Variants in BMPR2 observed in about 807,000 individuals in gnomAD.
The protein encoded by BMPR2 is bone morphogenetic protein receptor type 2, also known as bone morphogenetic protein receptor type-2.
In BMPR2, 29 loss-of-function variants were observed where a neutral mutation model predicts 100.8. The observed-to-expected ratio is 0.29, with a 90% confidence interval of 0.21 to 0.39. The LOEUF (loss-of-function observed/expected upper bound fraction) is 0.39, where lower values mean the gene tolerates loss of function less well. Among genes scored for constraint, BMPR2 ranks in the 10% least tolerant of loss-of-function variants. The pLI, the probability that BMPR2 is intolerant of heterozygous loss-of-function variation, is 1.00. For synonymous variants in BMPR2, 382 were observed against 442.3 expected, an observed-to-expected ratio of 0.86 and a Z score of 1.71; for missense variants, 1,011 against 1,274.5, an observed-to-expected ratio of 0.79 and a Z score of 3.15.
chr2:202,448,383 C>T lies in BMPR2; in HGVS notation c.77-16426C>T, dbSNP rs1283668306. Among the ~76,000 whole-genome samples, 36 of 149,260 alleles carry T rather than the reference C, an allele frequency of 2.4e-4. 1 individual carries two copies. The Admixed American group carries it at 2.4e-3, about 10-fold the overall frequency. On this transcript the variant is annotated intron_variant, in intron 1 of 12. Coordinates refer to ENST00000374580, the MANE Select transcript of BMPR2 (RefSeq NM_001204.7). ...AATGGCGTGAACCCGGGAGGCGGAG[C>T]TTGCAGTGAGCCGAGATTGTGCCAC...
intron 1 of BMPR2, among the ~76,000 whole-genome samples, chr2:202,408,107 A>T (rs1045110355): frequency 6.6e-6 from 1 of 152,146 alleles, no homozygotes; most frequent in East Asian, 1.9e-4. Context: ...TGCTGGGATT[A>T]CAGGCGTGAG....
chr2:202,392,665 CT>C (rs1690573161), intron 1 of BMPR2, among the ~76,000 whole-genome samples: 1 of 152,074 alleles, frequency 6.6e-6, no homozygotes, highest in Non-Finnish European at 1.5e-5. Flanking sequence ...TGTCTAAGAG[CT>C]GTAGTTGTTT....
At chr2:202,467,428 A>C (rs771168259) in intron 2 of BMPR2, 91 bp from the exon 3 acceptor site, 6 of 1,120,758 alleles carry the variant, frequency 5.4e-6, no homozygotes, top group Non-Finnish European at 8.0e-6. Context: ...ACGTACTCTC[A>C]CATTTATTGA....
chr2:202,447,321 A>C (rs1691871176), intron 1 of BMPR2, among the ~76,000 whole-genome samples: 1 of 150,402 alleles, frequency 6.6e-6, no homozygotes, highest in Admixed American at 6.6e-5. Context: ...AATCACATCT[A>C]AACAATTTTT....
intron 3 of BMPR2, among the ~76,000 whole-genome samples, chr2:202,502,482 A>T (rs1351705231): frequency 1.3e-5 from 2 of 152,150 alleles, no homozygotes; most frequent in Non-Finnish European, 2.9e-5. Flanking sequence ...AGAAAGAGAG[A>T]TGGAAGTAGT....
chr2:202,435,376 CATATATATATATATATATATAT>C (rs141854934), intron 1 of BMPR2, among the ~76,000 whole-genome samples: 3 of 103,428 alleles, frequency 2.9e-5, no homozygotes, highest in East Asian at 2.5e-4. Flanking sequence ...AAAAAAAATA[CATATATATATATATATATATAT>C]ATATATATAT....
chr2:202,552,907 T>TG lies in BMPR2; in HGVS notation c.1586+21dup. On this transcript the variant is annotated intron_variant, in intron 11 of 12. Transcript: ENST00000374580. The stretch of plus-strand genomic sequence containing the variant: ...ATGAACGGTAAGACCCTAAGGGGTG[T>TG]GGCATCTATCAATCAGTATTAGAAA... 1 of 1,614,044 alleles carries TG rather than the reference T, an allele frequency of 6.2e-7. No individual in the cohort carries two copies. Among genetic ancestry groups the TG allele is most frequent in the Non-Finnish European group, 8.5e-7 (1 of 1,179,902 alleles).
intron 3 of BMPR2, among the ~76,000 whole-genome samples, chr2:202,470,765 C>T (rs1459351985): frequency 2.4e-4 from 32 of 132,024 alleles, no homozygotes; most frequent in African/African-American, 8.9e-4. Flanking sequence ...AGCGAGACTC[C>T]GTCTCAAAAA....
intron 3 of BMPR2, among the ~76,000 whole-genome samples, chr2:202,500,050 C>T (rs1273915184): frequency 1.3e-5 from 2 of 152,198 alleles, no homozygotes; most frequent in Admixed American, 1.3e-4. Flanking sequence ...CGAAGGTTCC[C>T]TGGGTCAGAA....
intron 1 of BMPR2, among the ~76,000 whole-genome samples, chr2:202,415,133 A>G (rs1383177207): frequency 6.6e-6 from 1 of 152,170 alleles, no homozygotes; most frequent in Non-Finnish European, 1.5e-5. Flanking sequence ...TGTAGATGAC[A>G]CATTTTTATG....
chr2:202,461,043 C>T (rs577851898), intron 1 of BMPR2, among the ~76,000 whole-genome samples: 27 of 152,148 alleles, frequency 1.8e-4, no homozygotes, highest in African/African-American at 6.3e-4. Flanking sequence ...GGTTACCTTA[C>T]TGTGTTGCCC....
chr2:202,485,419 C>G (rs1405142733), intron 3 of BMPR2, among the ~76,000 whole-genome samples: 1 of 151,932 alleles, frequency 6.6e-6, no homozygotes, highest in Non-Finnish European at 1.5e-5. Context: ...CTTGAGATCT[C>G]CTAGCTTTGA....
At chr2:202,551,636 A>G (rs1282053148) in intron 10 of BMPR2, among the ~76,000 whole-genome samples, 1 of 152,194 alleles carries the variant, frequency 6.6e-6, no homozygotes, top group Non-Finnish European at 1.5e-5. Context: ...TGTTTTTGAT[A>G]CTACTGTTTT....
chr2:202,528,419 C>T (rs968642369), intron 7 of BMPR2, among the ~76,000 whole-genome samples: 1 of 152,144 alleles, frequency 6.6e-6, no homozygotes, highest in African/African-American at 2.4e-5. Flanking sequence ...GATCTCCTGA[C>T]CTCGTGATCC....
intron 7 of BMPR2, among the ~76,000 whole-genome samples, chr2:202,523,886 C>T (rs948940890): frequency 1.3e-5 from 2 of 152,174 alleles, no homozygotes; most frequent in Non-Finnish European, 2.9e-5. Flanking sequence ...AAATCATATC[C>T]TTTGCAGCAA....
chr2:202,393,730 A>G (rs573521423), intron 1 of BMPR2, among the ~76,000 whole-genome samples: 30 of 152,294 alleles, frequency 2.0e-4, no homozygotes, highest in African/African-American at 6.7e-4. Flanking sequence ...TATTAAAATT[A>G]CTAAGAGAAT....
At chr2:202,551,523 C>G (rs1158433114) in intron 10 of BMPR2, among the ~76,000 whole-genome samples, 3 of 148,368 alleles carry the variant, frequency 2.0e-5, no homozygotes, top group Non-Finnish European at 4.5e-5. Context: ...GACTCTATCT[C>G]AAAACAAACA....
chr2:202,504,573 A>G (rs1385466010), intron 3 of BMPR2, among the ~76,000 whole-genome samples: 1 of 152,104 alleles, frequency 6.6e-6, no homozygotes, highest in African/African-American at 2.4e-5. Flanking sequence ...CCGTGGCTTC[A>G]TTCCTGAAGT....
At chr2:202,479,713 C>T (rs1692622887) in intron 3 of BMPR2, among the ~76,000 whole-genome samples, 1 of 152,100 alleles carries the variant, frequency 6.6e-6, no homozygotes. Context: ...TTCCTCCCAA[C>T]TTTCAATTAT....
Sources: allele counts gnomAD v4.1 joint callset (sites outside exome capture counted in the v4.1 genomes callset), GRCh38; gene constraint gnomAD v4.1.1; transcripts MANE v1.5; gene names NCBI Gene and HGNC (gene_info 2026-07-23, HGNC 2026-07-21).